Variants in ZNF292 observed in about 807,000 individuals in gnomAD.
ZNF292 encodes zinc finger protein 292.
Under a neutral mutation model 217.9 loss-of-function variants are expected in ZNF292, and 26 were observed. That is an observed-to-expected ratio of 0.12 (90% confidence interval 0.09 to 0.17). ZNF292 has a LOEUF of 0.17. ZNF292 is among the 10% of genes least tolerant of loss of function. The probability of loss-of-function intolerance (pLI) is 1.00; values close to 1 mark genes in which losing one functional copy is unlikely to be tolerated. For missense variants in ZNF292, 2,904 were observed against 3,175.2 expected (o/e 0.91, Z 2.05); for synonymous variants, 1,257 against 1,124.1 (o/e 1.12, Z -2.37).
At chr6:87,239,415 A>G (rs1169859169) in intron 5 of ZNF292, among the ~76,000 whole-genome samples, 8 of 11,428 alleles carry the variant, frequency 7.0e-4, no homozygotes, top group African/African-American at 2.3e-3. Flanking sequence ...CCTCCCTCCC[A>G]GACGGGGTGG....
chr6:87,249,430 C>T (rs1336585391), intron 7 of ZNF292: 1 of 287,694 alleles, frequency 3.5e-6, no homozygotes, highest in Non-Finnish European at 7.2e-6. Context: ...ACATGACCTT[C>T]GCAGCAGCCT....
At chr6:87,234,764 T>C (rs962971599) in intron 5 of ZNF292, among the ~76,000 whole-genome samples, 2 of 152,134 alleles carry the variant, frequency 1.3e-5, no homozygotes. Context: ...AGTAAACTAA[T>C]AGAGCATGCA....
intron 1 of ZNF292, among the ~76,000 whole-genome samples, chr6:87,164,179 T>C (rs1770840196): frequency 1.3e-5 from 2 of 152,208 alleles, no homozygotes; most frequent in Admixed American, 6.5e-5. Context: ...GCTCTCATGT[T>C]TTCTGGGGCT....
At chr6:87,211,482 G>C (rs1772483715) in intron 1 of ZNF292, among the ~76,000 whole-genome samples, 2 of 152,170 alleles carry the variant, frequency 1.3e-5, no homozygotes, top group Admixed American at 1.3e-4. Flanking sequence ...TCTGAAGTCA[G>C]ACTATGAGGA....
intron 4 of ZNF292, among the ~76,000 whole-genome samples, chr6:87,226,549 C>T (rs1304058980): frequency 6.7e-6 from 1 of 150,140 alleles, no homozygotes. Flanking sequence ...CCAAAGTTTT[C>T]AGTTTTACTG....
At position 87,259,277 on chromosome 6, in the gene ZNF292, T is replaced by C. The variant is rs375142977; in HGVS notation, c.5648T>C (p.Ile1883Thr). The C allele has an allele frequency of 6.2e-6, 10 of 1,613,574 alleles. No homozygotes were observed. Among genetic ancestry groups the C allele is most frequent in the Middle Eastern group, 1.6e-4 (1 of 6,078 alleles). ...AAATCAACTGCAGATATCACAGTTA[T>C]TCAGCCAGTTTCTGAAATGATAAAC... ...PVKSTADITV[I>T]QPVSEMINIQ... Residue 1883 changes from isoleucine (I) to threonine (T), a missense_variant, in exon 8 of 8, where the codon ATT (isoleucine) becomes ACT (threonine). Ile to Thr is a moderately conservative substitution (Grantham distance 89). This residue lies in a region of ZNF292 where 622 missense variants were observed against 573.1 expected (regional missense o/e 1.09). Coordinates refer to ENST00000369577, the MANE Select transcript of ZNF292 (RefSeq NM_015021.3).
rs41309302 is a variant in ZNF292, at chr6:87,218,511, G to A, written c.403-85G>A. On this transcript the variant is annotated intron_variant, in intron 3 of 7. Coordinates refer to ENST00000369577, the MANE Select transcript of ZNF292 (RefSeq NM_015021.3). Reference sequence around the variant, plus strand: ...AATTTTTAAGATGAAAGTCTTTTCAGAAGTTTAGTGTTATATTTAAAGCCT... The same window carrying A: ...AATTTTTAAGATGAAAGTCTTTTCAAAAGTTTAGTGTTATATTTAAAGCCT... The A allele has an allele frequency of 4.0e-3, 4,482 of 1,119,572 alleles. 14 individuals carry two copies. Among genetic ancestry groups the A allele is most frequent in the Middle Eastern group, 9.5e-3 (43 of 4,522 alleles). The allele number at this position is 1,119,572 out of a possible 1,614,324, so 69.4% of individuals were successfully genotyped here. A position where few individuals can be genotyped will look rare whatever the true frequency, so the allele number is the denominator to read the frequency against.
intron 1 of ZNF292, among the ~76,000 whole-genome samples, chr6:87,205,031 A>G (rs1302903612): frequency 2.0e-5 from 3 of 152,028 alleles, no homozygotes; most frequent in Non-Finnish European, 4.4e-5. Flanking sequence ...TGTAATAAAG[A>G]GATTATCTGT....
At chr6:87,157,440 T>C (rs1014613686) in intron 1 of ZNF292, among the ~76,000 whole-genome samples, 2 of 152,210 alleles carry the variant, frequency 1.3e-5, no homozygotes, top group African/African-American at 4.8e-5. Context: ...GTATTTCATT[T>C]GTAAGTCGAA....
At chr6:87,174,513 T>C (rs544861034) in intron 1 of ZNF292, among the ~76,000 whole-genome samples, 1 of 152,170 alleles carries the variant, frequency 6.6e-6, no homozygotes, top group Non-Finnish European at 1.5e-5. Context: ...TGAGGGGAGT[T>C]AAAGTGTAGT....
Position 87,260,527 on chromosome 6 carries a change from GA to G in ZNF292, c.6902del (p.Asn2301IlefsTer28). 1 of 1,613,194 alleles carries G rather than the reference GA, an allele frequency of 6.2e-7. No individual in the cohort carries two copies. ...TCCAAGAAGATTAACACCAGGCCAG[GA>G]AAATATGTCAAGCAAGGCAAACCAA... ...IRPRRLTPGQENMSSKANQEK... is the reference protein window; with the variant it reads ...IRPRRLTPGQXNMSSKANQEK... On this transcript the variant is annotated frameshift_variant, in exon 8 of 8. Transcript: ENST00000369577. LOFTEE classifies it high-confidence loss of function.
chr6:87,245,656 C>T lies in ZNF292; in HGVS notation c.1020+12C>T, dbSNP rs1294745119. 1 of 1,414,700 alleles carries T rather than the reference C, an allele frequency of 7.1e-7. No homozygotes were observed. The allele number at this position is 1,414,700 out of a possible 1,614,324, so 87.6% of individuals were successfully genotyped here. ...TTATTAATTCAGAGGTAAGAATAAT[C>T]AGAATATTTTTAAGGTTAAAATGTG... On this transcript the variant is annotated intron_variant, in intron 7 of 7. Transcript: ENST00000369577.
intron 7 of ZNF292, among the ~76,000 whole-genome samples, chr6:87,246,680 C>T (rs755364895): frequency 4.3e-4 from 65 of 152,312 alleles, no homozygotes; most frequent in Admixed American, 8.5e-4. Flanking sequence ...GCCTGGCCAA[C>T]ATGATGAAAC....
Position 87,216,335 on chromosome 6 carries a change from GT to G in ZNF292, c.362del (p.Leu121TyrfsTer15). On this transcript the variant is annotated frameshift_variant, in exon 3 of 8. Transcript: ENST00000369577. LOFTEE classifies it high-confidence loss of function. ...AACTTTTACTGTGTCTGCCTGTTGA[GT>G]TATCAGATAAACAGTGGGAACAATT... ...VELLLCLPVELSDKQWEQFQT... is the reference protein window; with the variant it reads ...VELLLCLPVEXSDKQWEQFQT... 6.3e-7 allele frequency: 1 copy of G among 1,586,960 alleles called. No individual in the cohort carries two copies. The highest frequency in any genetic ancestry group is 8.6e-7 in the Non-Finnish European group (1 of 1,164,600).
chr6:87,238,159 C>T (rs1773991687), intron 5 of ZNF292, among the ~76,000 whole-genome samples: 1 of 152,146 alleles, frequency 6.6e-6, no homozygotes. Context: ...TGAAAAAATA[C>T]ACATAGGCAA....
In ZNF292 at chr6:87,259,521, C is replaced by T. The variant is rs1775438322; in HGVS notation, c.5892C>T (p.Leu1964=). 6.3e-7 allele frequency: 1 copy of T among 1,587,474 alleles called. No individual in the cohort carries two copies. The highest frequency in any genetic ancestry group is 8.6e-7 in the Non-Finnish European group (1 of 1,165,660). Residue 1964 remains leucine, a synonymous_variant, in exon 8 of 8, where the codon CTC becomes CTT. Coordinates refer to ENST00000369577, the MANE Select transcript of ZNF292 (RefSeq NM_015021.3). ...AAACATTTACAAGAAATTCTAACCT[C>T]CGGGCACACTGTCAGTTGGTGCATC... ...CTKTFTRNSN[L]RAHCQLVHHF...
chr6:87,250,452 A>G (rs1373940150), intron 7 of ZNF292, among the ~76,000 whole-genome samples: 2 of 152,170 alleles, frequency 1.3e-5, no homozygotes, highest in East Asian at 1.9e-4. Context: ...TGTCTCAAAA[A>G]AGAAAAGGAA....
intron 3 of ZNF292, 50 bp from the exon 4 acceptor site, chr6:87,218,546 G>A: frequency 1.4e-6 from 2 of 1,452,860 alleles, no homozygotes. Context: ...TGATAAGCTT[G>A]CTTTTAAAAA....
chr6:87,225,686 A>G (rs1246937488), intron 4 of ZNF292, among the ~76,000 whole-genome samples: 1 of 152,180 alleles, frequency 6.6e-6, no homozygotes, highest in Non-Finnish European at 1.5e-5. Context: ...TGCCGTTTCT[A>G]CAGTTTTGCA....
Sources: gnomAD v4.1 joint callset for allele counts (sites outside exome capture counted in the v4.1 genomes callset) on GRCh38, gnomAD v4.1.1 for gene constraint, gnomAD v4.1.1 regional missense constraint, MANE v1.5 for transcripts, NCBI Gene and HGNC (gene_info 2026-07-23, HGNC 2026-07-21) for gene names.